Variants in FREM3 observed in about 807,000 individuals in gnomAD.
The protein encoded by FREM3 is FRAS1-related extracellular matrix protein 3.
A neutral mutation model predicts 129.1 loss-of-function variants in FREM3; 105 were observed. The ratio of observed to expected loss-of-function variants is 0.81; its 90% CI spans 0.69 to 0.96. FREM3 has a LOEUF of 0.96. Among genes scored for constraint, FREM3 ranks in the 40% least tolerant of loss-of-function variants. The pLI is 0.00. For missense variants in FREM3, 2,593 were observed against 2,666.3 expected (o/e 0.97, Z 0.61); for synonymous variants, 1,014 against 1,044.9 (o/e 0.97, Z 0.57).
intron 2 of FREM3, among the ~76,000 whole-genome samples, chr4:143,685,112 C>T (rs962594406): frequency 3.9e-5 from 6 of 152,122 alleles, no homozygotes; most frequent in African/African-American, 1.2e-4. Context: ...TCCCCAGCCT[C>T]GCTAGAGACA....
At chr4:143,664,620 G>A (rs965072716) in intron 2 of FREM3, among the ~76,000 whole-genome samples, 1 of 152,152 alleles carries the variant, frequency 6.6e-6, no homozygotes, top group Non-Finnish European at 1.5e-5. Context: ...CTTCAAAGCT[G>A]TCAGACTTGG....
intron 6 of FREM3, among the ~76,000 whole-genome samples, chr4:143,595,844 C>T (rs947422759): frequency 5.4e-5 from 8 of 148,200 alleles, no homozygotes; most frequent in Admixed American, 3.4e-4. Flanking sequence ...GCTGAGATCA[C>T]GCCACTGCAC....
chr4:143,630,199 A>G (rs773862165), intron 2 of FREM3, among the ~76,000 whole-genome samples: 2 of 152,142 alleles, frequency 1.3e-5, no homozygotes, highest in Non-Finnish European at 2.9e-5. Flanking sequence ...GAATCAAAGA[A>G]AATAATGCTA....
chr4:143,630,934 C>T (rs7653970), intron 2 of FREM3, among the ~76,000 whole-genome samples: 82,796 of 151,868 alleles, frequency 0.55, 22,779 homozygotes, highest in East Asian at 0.84. Context: ...GGGGTTTTGG[C>T]CTAAAGATAC....
At chr4:143,656,760 T>C (rs1028565345) in intron 2 of FREM3, among the ~76,000 whole-genome samples, 1 of 152,214 alleles carries the variant, frequency 6.6e-6, no homozygotes, top group Non-Finnish European at 1.5e-5. Context: ...ATCCTGTGAA[T>C]ATACTAAAAA....
chr4:143,590,043 G>GTTTC, intron 6 of FREM3, among the ~76,000 whole-genome samples: 1 of 151,994 alleles, frequency 6.6e-6, no homozygotes, highest in Non-Finnish European at 1.5e-5. Context: ...CTCTCTGTCT[G>GTTTC]TTATTGGTGT....
intron 5 of FREM3, among the ~76,000 whole-genome samples, chr4:143,612,185 A>C (rs1738769128): frequency 6.6e-6 from 1 of 152,210 alleles, no homozygotes; most frequent in African/African-American, 2.4e-5. Flanking sequence ...CACCACCACA[A>C]TCATAAAACG....
chr4:143,648,979 G>T (rs984563610), intron 2 of FREM3, among the ~76,000 whole-genome samples: 2 of 152,022 alleles, frequency 1.3e-5, no homozygotes, highest in African/African-American at 4.8e-5. Flanking sequence ...GCCTAGGCTG[G>T]TCTCAAACTC....
intron 2 of FREM3, among the ~76,000 whole-genome samples, chr4:143,683,594 A>T (rs1162930854): frequency 2.6e-5 from 4 of 152,160 alleles, no homozygotes; most frequent in African/African-American, 4.8e-5. Flanking sequence ...GCAGGGGGAG[A>T]ACTACACAGG....
chr4:143,601,891 A>C (rs1207096016), intron 6 of FREM3: 4 of 152,124 alleles, frequency 2.6e-5, no homozygotes, highest in Non-Finnish European at 4.4e-5. Context: ...GGGGATATTC[A>C]ATCTCTGCTT....
In FREM3 at chr4:143,644,420, C is replaced by T. The variant is rs144329703; in HGVS notation, c.5276-16660G>A. Reference sequence around the variant, plus strand: ...ATGAGTATCTAATAATAAGCATCCACGAAGAGATTTCTCAATGTATTTGTT... The same window carrying T: ...ATGAGTATCTAATAATAAGCATCCATGAAGAGATTTCTCAATGTATTTGTT... On this transcript the variant is annotated intron_variant, in intron 2 of 7. Coordinates refer to ENST00000329798, the MANE Select transcript of FREM3 (RefSeq NM_001168235.2). Among the ~76,000 whole-genome samples, 999 of 152,232 alleles carry T rather than the reference C, an allele frequency of 6.6e-3. 8 individuals carry two copies. The highest frequency in any genetic ancestry group is 0.022 in the African/African-American group (897 of 41,512).
At chr4:143,669,455 A>ATTT (rs1160541264) in intron 2 of FREM3, among the ~76,000 whole-genome samples, 24 of 146,772 alleles carry the variant, frequency 1.6e-4, no homozygotes, top group African/African-American at 5.5e-4. Flanking sequence ...GTTTAAAACA[A>ATTT]TTTTTTTTTT....
chr4:143,674,090 C>T (rs1215094748), intron 2 of FREM3, among the ~76,000 whole-genome samples: 2 of 152,142 alleles, frequency 1.3e-5, no homozygotes, highest in East Asian at 1.9e-4. Context: ...GTGTGCTGCA[C>T]CCACTGTCCA....
chr4:143,629,319 C>T (rs1739099198), intron 2 of FREM3, among the ~76,000 whole-genome samples: 1 of 152,150 alleles, frequency 6.6e-6, no homozygotes, highest in Non-Finnish European at 1.5e-5. Flanking sequence ...CCCTCCTTCG[C>T]ACTGCAGGTT....
rs1205892764 is a variant in FREM3, at chr4:143,611,364, G to A, written c.5943C>T (p.Ser1981=). 24 of 1,536,984 alleles carry A rather than the reference G, an allele frequency of 1.6e-5. No individual in the cohort carries two copies. Among genetic ancestry groups the A allele is most frequent in the Middle Eastern group, 3.3e-4 (2 of 6,008 alleles). Residue 1981 remains serine, a synonymous_variant, in exon 6 of 8, where the codon AGC becomes AGT. Coordinates refer to ENST00000329798, the MANE Select transcript of FREM3 (RefSeq NM_001168235.2). ...DSLYEEEESF[S]VSLRLPVGGQ... ...CTCCCACTGGCAGCCTAAGTGAAAC[G>A]CTGAAGGATTCCTCCTCTTCATAAA...
intron 2 of FREM3, among the ~76,000 whole-genome samples, chr4:143,638,713 C>A (rs1389083944): frequency 6.6e-6 from 1 of 152,112 alleles, no homozygotes; most frequent in African/African-American, 2.4e-5. Context: ...TTTGCTGTGT[C>A]CTTACCAATC....
chr4:143,629,706 C>T (rs1003998096), intron 2 of FREM3, among the ~76,000 whole-genome samples: 6 of 151,940 alleles, frequency 3.9e-5, no homozygotes, highest in Non-Finnish European at 5.9e-5. Context: ...TATATACTGT[C>T]ACATGTTTTA....
In FREM3 at chr4:143,585,857, C is replaced by T; in HGVS notation, c.6165G>A (p.Gln2055=). 5 of 1,537,268 alleles carry T rather than the reference C, an allele frequency of 3.3e-6. No individual in the cohort carries two copies. Among genetic ancestry groups the T allele is most frequent in the Non-Finnish European group, 4.4e-6 (5 of 1,146,914 alleles). ...TGGCCCTCTCACCTTCTGCTGACTCCTGCTCTGACTTTCTGGAGCGCACGG... is the reference window on the plus strand; with the variant it reads ...TGGCCCTCTCACCTTCTGCTGACTCTTGCTCTGACTTTCTGGAGCGCACGG... ...SIAVRSRKSE[Q]ESAEAGTDYV... is the part of the protein sequence containing the mutation. The change falls in exon 7 of 8, where the codon CAG becomes CAA. Residue 2055 remains glutamine (Q), a synonymous_variant. Coordinates refer to ENST00000329798, the MANE Select transcript of FREM3 (RefSeq NM_001168235.2). This position sits in a 1 kb window ranked among gnomAD's most constrained non-coding sequence, Gnocchi z 4.2.
chr4:143,685,613 CA>C (rs1342053823), intron 2 of FREM3, among the ~76,000 whole-genome samples: 3 of 151,952 alleles, frequency 2.0e-5, no homozygotes, highest in African/African-American at 7.3e-5. Flanking sequence ...AACAAATAAC[CA>C]AAAAAATCAA....
Sources: gnomAD v4.1 joint callset for allele counts (sites outside exome capture counted in the v4.1 genomes callset) on GRCh38, gnomAD v4.1.1 for gene constraint, Gnocchi (gnomAD v3.1) non-coding constraint, MANE v1.5 for transcripts, NCBI Gene and HGNC (gene_info 2026-07-23, HGNC 2026-07-21) for gene names.